The following KLHL14 variants were observed in gnomAD, a reference collection of about 807,000 sequenced individuals.
The protein encoded by KLHL14 is kelch-like protein 14.
Under a neutral mutation model 64.3 loss-of-function variants are expected in KLHL14, and 22 were observed. That is an observed-to-expected ratio of 0.34 (90% CI 0.24 to 0.49). The LOEUF (loss-of-function observed/expected upper bound fraction) is 0.49, where lower values mean the gene tolerates loss of function less well. KLHL14 is among the 20% of genes least tolerant of loss of function. KLHL14 has a pLI of 0.99. For synonymous variants in KLHL14, 322 were observed against 333.4 expected (o/e 0.97, Z 0.37); for missense variants, 661 against 789.0 (o/e 0.84, Z 1.94).
intron 2 of KLHL14, among the ~76,000 whole-genome samples, chr18:32,751,018 TG>T (rs1335496972): frequency 1.3e-5 from 2 of 152,198 alleles, no homozygotes; most frequent in Admixed American, 1.3e-4. Context: ...GAATTTCATT[TG>T]GGGGATAAAA....
At chr18:32,737,807 G>T (rs970677549) in intron 3 of KLHL14, 3 of 152,076 alleles carry the variant, frequency 2.0e-5, no homozygotes, top group African/African-American at 7.2e-5. Context: ...ACTACAAAGA[G>T]AAAAGAGTTG....
In KLHL14 at chr18:32,770,340, C is replaced by T. The variant is rs2050375625; in HGVS notation, c.252G>A (p.Gln84=). ...GQDGLGAPKD[Q]QQPPQQQPSQ... ...ACGGCTGCTGCTGCGGCGGCTGCTG[C>T]TGGTCCTTGGGGGCCCCCAGGCCGT... The change falls in exon 2 of 9, where the codon CAG becomes CAA. Residue 84 remains glutamine, a synonymous_variant. Coordinates refer to ENST00000359358, the MANE Select transcript of KLHL14 (RefSeq NM_020805.3). This position sits in a 1 kb window ranked among gnomAD's most constrained non-coding sequence, Gnocchi z 6.7. The T allele has an allele frequency of 6.3e-7, 1 of 1,584,810 alleles. No homozygotes were observed. The highest frequency in any genetic ancestry group is 1.2e-5 in the South Asian group (1 of 85,664).
At chr18:32,751,216 T>C (rs11081781) in intron 2 of KLHL14, among the ~76,000 whole-genome samples, 48,426 of 151,934 alleles carry the variant, frequency 0.32, 7,876 homozygotes, top group African/African-American at 0.34. Flanking sequence ...AAAACTGCCC[T>C]AAGGAGAGCT....
chr18:32,699,228 A>G (rs1040804393), intron 3 of KLHL14, among the ~76,000 whole-genome samples: 1 of 152,176 alleles, frequency 6.6e-6, no homozygotes, highest in South Asian at 2.1e-4. Context: ...TACTTTTTGC[A>G]ATAATAACCA....
In KLHL14 at chr18:32,770,482, A is replaced by G. The variant is rs1232903757; in HGVS notation, c.110T>C (p.Leu37Pro). Residue 37 changes from leucine to proline, a missense_variant, in exon 2 of 9, where the codon CTG becomes CCG. Leu to Pro is a moderately conservative substitution (Grantham distance 98). Transcript: ENST00000359358. The surrounding 1 kb of genome is among the most constrained non-coding windows in gnomAD (Gnocchi z 6.7). ...WRKQLFCDVT[L>P]TAQGQQFHCH... ...ATGGAACTGCTGGCCCTGGGCCGTC[A>G]GGGTCACGTCGCAAAACAGCTGCTT... 1 of 1,612,262 alleles carries G rather than the reference A, an allele frequency of 6.2e-7. No individual in the cohort carries two copies. The highest frequency in any genetic ancestry group is 8.5e-7 in the Non-Finnish European group (1 of 1,179,920).
At chr18:32,682,811 T>C (rs567417313) in intron 5 of KLHL14, among the ~76,000 whole-genome samples, 2 of 152,298 alleles carry the variant, frequency 1.3e-5, no homozygotes, top group Non-Finnish European at 2.9e-5. Flanking sequence ...CAAAAATCCA[T>C]CCTAAAGTAA....
At chr18:32,679,064 A>T (rs1156823774) in intron 7 of KLHL14, among the ~76,000 whole-genome samples, 1 of 152,152 alleles carries the variant, frequency 6.6e-6, no homozygotes, top group African/African-American at 2.4e-5. Flanking sequence ...AAAGAATAAA[A>T]AGGTAAGCAT....
At chr18:32,742,673 C>T (rs1461358832) in intron 2 of KLHL14, among the ~76,000 whole-genome samples, 3 of 152,160 alleles carry the variant, frequency 2.0e-5, no homozygotes, top group African/African-American at 7.2e-5. Context: ...CTGCTCTCCC[C>T]CTGTGCACCA....
chr18:32,733,264 A>C (rs1439643974), intron 3 of KLHL14, among the ~76,000 whole-genome samples: 1 of 152,200 alleles, frequency 6.6e-6, no homozygotes, highest in Non-Finnish European at 1.5e-5. Flanking sequence ...AATTCTAAAA[A>C]TTCAGAGAAA....
intron 7 of KLHL14, among the ~76,000 whole-genome samples, chr18:32,679,696 T>G (rs2049828725): frequency 6.6e-6 from 1 of 152,138 alleles, no homozygotes; most frequent in Non-Finnish European, 1.5e-5. Flanking sequence ...ATTGAATTCT[T>G]AAAAAAATTC....
At chr18:32,708,115 G>A (rs759710934) in intron 3 of KLHL14, among the ~76,000 whole-genome samples, 4 of 152,194 alleles carry the variant, frequency 2.6e-5, no homozygotes, top group Non-Finnish European at 5.9e-5. Flanking sequence ...CATATGTGAA[G>A]CTCATTCAAT....
intron 4 of KLHL14, among the ~76,000 whole-genome samples, chr18:32,693,409 CACACAG>C (rs1375599530): frequency 2.6e-4 from 30 of 116,792 alleles, no homozygotes; most frequent in South Asian, 5.6e-4. Context: ...CACACACACA[CACACAG>C]AGAGAGAGAG....
intron 2 of KLHL14, among the ~76,000 whole-genome samples, chr18:32,762,620 T>C (rs1450986336): frequency 6.6e-6 from 1 of 152,154 alleles, no homozygotes; most frequent in Non-Finnish European, 1.5e-5. Context: ...CTCTCTGCTA[T>C]TTACAGTAAA....
chr18:32,684,581 A>G (rs186911952), intron 5 of KLHL14, among the ~76,000 whole-genome samples: 1 of 152,276 alleles, frequency 6.6e-6, no homozygotes, highest in African/African-American at 2.4e-5. Flanking sequence ...CTGTAAGGGT[A>G]GGTTACCCCA....
chr18:32,679,404 G>A (rs1415547827), intron 7 of KLHL14, among the ~76,000 whole-genome samples: 1 of 152,136 alleles, frequency 6.6e-6, no homozygotes, highest in African/African-American at 2.4e-5. Context: ...GAGAGCTGAA[G>A]GAGATTTTAG....
At chr18:32,684,186 T>C (rs191956643) in intron 5 of KLHL14, among the ~76,000 whole-genome samples, 39 of 152,334 alleles carry the variant, frequency 2.6e-4, no homozygotes, top group Middle Eastern at 3.4e-3. Context: ...AAATTCTAAA[T>C]CTGAGAGCAA....
intron 2 of KLHL14, among the ~76,000 whole-genome samples, chr18:32,750,242 T>C (rs1179520981): frequency 6.6e-6 from 1 of 152,160 alleles, no homozygotes; most frequent in Non-Finnish European, 1.5e-5. Context: ...AAAATAGTTT[T>C]GGTTTTCCAC....
chr18:32,761,336 C>G (rs540102942), intron 2 of KLHL14, among the ~76,000 whole-genome samples: 2 of 150,846 alleles, frequency 1.3e-5, no homozygotes, highest in East Asian at 3.9e-4. Flanking sequence ...TTAGCAGGGC[C>G]TACAACTTCC....
chr18:32,689,263 G>A (rs1342718165), intron 4 of KLHL14, among the ~76,000 whole-genome samples: 4 of 152,140 alleles, frequency 2.6e-5, no homozygotes, highest in South Asian at 2.1e-4. Flanking sequence ...AGGATTGAGT[G>A]AAATCATGTA....
Sources: gnomAD v4.1 joint callset for allele counts (sites outside exome capture counted in the v4.1 genomes callset) on GRCh38, gnomAD v4.1.1 for gene constraint, Gnocchi (gnomAD v3.1) non-coding constraint, MANE v1.5 for transcripts, NCBI Gene and HGNC (gene_info 2026-07-23, HGNC 2026-07-21) for gene names.